The following FAM228B variants were observed in gnomAD, a reference collection of about 807,000 sequenced individuals.
FAM228B encodes the protein family with sequence similarity 228 member B, also known as protein FAM228B.
Under a neutral mutation model 42.6 loss-of-function variants are expected in FAM228B, and 38 were observed. The ratio of observed to expected loss-of-function variants is 0.89; its 90% confidence interval spans 0.69 to 1.17. FAM228B has a LOEUF of 1.17. FAM228B is among the 50% of genes most tolerant of loss of function. The pLI is 0.00. For missense variants in FAM228B, 344 were observed against 367.3 expected, an observed-to-expected ratio of 0.94 and a Z score of 0.52; for synonymous variants, 109 against 122.3, an observed-to-expected ratio of 0.89 and a Z score of 0.72.
At chr2:24,088,397 C>T (rs2150990365) in intron 2 of FAM228B, among the ~76,000 whole-genome samples, 1 of 152,260 alleles carries the variant, frequency 6.6e-6, no homozygotes, top group Non-Finnish European at 1.5e-5. Context: ...GTCGCCTAGG[C>T]TGGAATGCAG....
chr2:24,167,089 T>G (rs1667436911), intron 9 of FAM228B, among the ~76,000 whole-genome samples: 1 of 151,456 alleles, frequency 6.6e-6, no homozygotes, highest in Admixed American at 6.5e-5. Flanking sequence ...GGAAATCATA[T>G]CTAATCAGCA....
Position 24,146,657 on chromosome 2 carries a change from G to A in FAM228B, c.442-91G>A, listed in dbSNP as rs1322612282. The A allele has an allele frequency of 1.2e-5, 9 of 747,886 alleles. No homozygotes were observed. The African/African-American group carries it at 1.4e-4, about 12-fold the overall frequency. 46.3% of individuals were successfully genotyped at this position (747,886 alleles called of 1,614,324 possible). Reference sequence around the variant, plus strand: ...CATATTATTTACCCTCCCGGCATAAGAGCCATCCATATGTGGATGCTTAGA... The same window carrying A: ...CATATTATTTACCCTCCCGGCATAAAAGCCATCCATATGTGGATGCTTAGA... On this transcript the variant is annotated intron_variant, in intron 5 of 10. Transcript: ENST00000615575.
rs114309546 is a variant in FAM228B, at chr2:24,126,594, A to G, written c.99+2134A>G. Among the ~76,000 whole-genome samples, 210 of 148,884 alleles carry G rather than the reference A, an allele frequency of 1.4e-3. 2 individuals are homozygous for G. Among genetic ancestry groups the G allele is most frequent in the African/African-American group, 4.9e-3 (200 of 40,654 alleles). On this transcript the variant is annotated intron_variant, in intron 2 of 10. Coordinates refer to ENST00000615575, the MANE Select transcript of FAM228B (RefSeq NM_001145710.2). ...CTCTTCCTATTGAGATATAATTTAC[A>G]TGCCATAAGATTCACTACTTTTTTT... is the stretch of plus-strand genomic sequence containing the variant.
chr2:24,093,620 AT>A (rs34596881), intron 2 of FAM228B, among the ~76,000 whole-genome samples: 17,600 of 145,496 alleles, frequency 0.12, 1,198 homozygotes, highest in South Asian at 0.18. Flanking sequence ...ATATGTGTGC[AT>A]TTTTTTTTTT....
intron 2 of FAM228B, among the ~76,000 whole-genome samples, chr2:24,090,247 T>G (rs1007474382): frequency 1.3e-5 from 2 of 150,902 alleles, no homozygotes; most frequent in African/African-American, 2.4e-5. Flanking sequence ...CAGCCTGGGC[T>G]ACAGAGTGAG....
chr2:24,118,442 T>C (rs6708380), intron 3 of FAM228B, among the ~76,000 whole-genome samples: 17,729 of 152,282 alleles, frequency 0.12, 1,234 homozygotes, highest in South Asian at 0.18. Context: ...AATTCATTGA[T>C]TTATTCATCA....
intron 9 of FAM228B, chr2:24,165,567 C>G: frequency 2.3e-6 from 1 of 426,902 alleles, no homozygotes; most frequent in Admixed American, 2.8e-5. Flanking sequence ...AGCTGTCAAC[C>G]TCTTCTGACC....
chr2:24,169,344 CA>C lies in FAM228B; in HGVS notation c.*15-11del. The C allele has an allele frequency of 2.1e-6, 1 of 467,254 alleles. No individual in the cohort carries two copies. Among genetic ancestry groups the C allele is most frequent in the Non-Finnish European group, 4.5e-6 (1 of 223,950 alleles). 28.9% of individuals were successfully genotyped at this position (467,254 alleles called of 1,614,324 possible). ...ACCACACTCAACTCTTCCCTTTTGT[CA>C]CCTTCAAAAGGTTTCAGCAACCAAG... On this transcript the variant is annotated splice_polypyrimidine_tract_variant and intron_variant, in intron 10 of 10. Transcript: ENST00000615575. The surrounding 1 kb of genome is among the most constrained non-coding windows in gnomAD (Gnocchi z 4.2).
chr2:24,109,918 C>A (rs1405277322), intron 3 of FAM228B, among the ~76,000 whole-genome samples: 1 of 152,186 alleles, frequency 6.6e-6, no homozygotes, highest in Non-Finnish European at 1.5e-5. Flanking sequence ...TTTGACCCAG[C>A]AATCCCATTA....
intron 8 of FAM228B, 117 bp downstream of exon 8, chr2:24,161,730 T>C: frequency 1.5e-6 from 1 of 682,928 alleles, no homozygotes; most frequent in Non-Finnish European, 2.6e-6. Context: ...CAAAGCTCCA[T>C]TGTGGCAGGA....
At chr2:24,135,303 A>G (rs547106961) in intron 3 of FAM228B, 116 bp downstream of exon 3, 5 of 622,074 alleles carry the variant, frequency 8.0e-6, no homozygotes, top group African/African-American at 7.6e-5. Context: ...AATTAAAAGA[A>G]CACTCCCTTG....
In FAM228B at chr2:24,080,766, TTTTA is replaced by T; in HGVS notation, c.-289-105_-289-102del. ...CTGGCAACTTTGAGACTGGTGGGGC[TTTTA>T]TTTAATCATCTCTTAAATTCCTGCT... On this transcript the variant is annotated intron_variant, in intron 1 of 10. Coordinates refer to the FAM228B transcript ENST00000613899. This position sits in a 1 kb window ranked among gnomAD's most constrained non-coding sequence, Gnocchi z 4.7. The T allele has an allele frequency of 6.2e-7, 1 of 1,608,144 alleles. No individual in the cohort carries two copies. The highest frequency in any genetic ancestry group is 1.1e-5 in the South Asian group (1 of 90,638).
At chr2:24,086,709 G>A (rs949615012) in intron 2 of FAM228B, among the ~76,000 whole-genome samples, 15 of 152,128 alleles carry the variant, frequency 9.9e-5, no homozygotes, top group Non-Finnish European at 1.3e-4. Flanking sequence ...GTAGACTAGC[G>A]TCTATTGACT....
chr2:24,119,769 C>T (rs999799209), upstream of FAM228B: 25 of 921,686 alleles, frequency 2.7e-5, no homozygotes, highest in African/African-American at 3.6e-4. Context: ...TTCACCATTT[C>T]CTGATTTCCA....
chr2:24,167,576 T>C, intron 9 of FAM228B, 51 bp from the exon 10 acceptor site: 4 of 1,550,222 alleles, frequency 2.6e-6, no homozygotes, highest in Non-Finnish European at 2.6e-6. Context: ...CAGTAACTAA[T>C]ATGGCCAGTC....
chr2:24,110,237 A>T (rs1045524142), intron 3 of FAM228B, among the ~76,000 whole-genome samples: 10 of 152,312 alleles, frequency 6.6e-5, no homozygotes, highest in African/African-American at 2.4e-4. Flanking sequence ...CAAGGAGAAC[A>T]CGTGGATACT....
intron 7 of FAM228B, among the ~76,000 whole-genome samples, chr2:24,155,169 G>A (rs2151027498): frequency 6.6e-6 from 1 of 152,110 alleles, no homozygotes; most frequent in South Asian, 2.1e-4. Context: ...GTGATAATAG[G>A]TTTAACTCTG....
rs1037390653 is a variant in FAM228B, at chr2:24,137,934, A to G, written c.194A>G (p.His65Arg). ...GAACTAGATAAGTATTTACAACATC[A>G]TGCCTTCTTAAATGCAAGAAGAAAG... ...IKELDKYLQH[H>R]AFLNARRKEM... Residue 65 changes from histidine (H) to arginine (R), a missense_variant, in exon 4 of 11, where the codon CAT (histidine) becomes CGT (arginine). By Grantham distance (29) the His-to-Arg change is conservative (BLOSUM62 0). Transcript: ENST00000615575. 1 of 1,537,952 alleles carries G rather than the reference A, an allele frequency of 6.5e-7. No homozygotes were observed. Among genetic ancestry groups the G allele is most frequent in the Non-Finnish European group, 8.7e-7 (1 of 1,143,288 alleles).
At position 24,169,064 on chromosome 2, in the gene FAM228B, A is replaced by C. The variant is rs145405357; in HGVS notation, c.*15-292A>C. ...AAATTAGTACTCCAAACATGTTGAC[A>C]TCTGAAAGCTGAGACCACAGGGGTT... On this transcript the variant is annotated intron_variant, in intron 10 of 10. Transcript: ENST00000615575. The surrounding 1 kb of genome is among the most constrained non-coding windows in gnomAD (Gnocchi z 4.2). 1.1e-3 allele frequency among the ~76,000 whole-genome samples: 161 copies of C among 152,350 alleles called. No homozygotes were observed. The highest frequency in any genetic ancestry group is 3.8e-3 in the African/African-American group (158 of 41,570).
Sources: gnomAD v4.1 joint callset for allele counts (sites outside exome capture counted in the v4.1 genomes callset) on GRCh38, gnomAD v4.1.1 for gene constraint, Gnocchi (gnomAD v3.1) non-coding constraint, MANE v1.5 for transcripts, NCBI Gene and HGNC (gene_info 2026-07-23, HGNC 2026-07-21) for gene names.